Variants in PGM1 observed in about 807,000 individuals in gnomAD.
PGM1 encodes phosphoglucomutase 1.
A neutral mutation model predicts 55.6 loss-of-function variants in PGM1; 52 were observed. The observed-to-expected ratio is 0.94, with a 90% CI of 0.75 to 1.18. The LOEUF (loss-of-function observed/expected upper bound fraction) is 1.18, where lower values mean the gene tolerates loss of function less well. PGM1 is among the 50% of genes most tolerant of loss of function. The pLI, the probability that PGM1 is intolerant of heterozygous loss-of-function variation, is 0.00. For missense variants in PGM1, 724 were observed against 729.3 expected, an observed-to-expected ratio of 0.99 and a Z score of 0.08; for synonymous variants, 287 against 271.7, an observed-to-expected ratio of 1.06 and a Z score of -0.55.
chr1:63,655,435 A>G (rs72681123), intron 10 of PGM1, among the ~76,000 whole-genome samples: 349 of 152,288 alleles, frequency 2.3e-3, no homozygotes, highest in Non-Finnish European at 3.6e-3. Context: ...ATGTGTCTTC[A>G]CAGAACAGTC....
intron 7 of PGM1, among the ~76,000 whole-genome samples, chr1:63,647,041 G>A (rs1649662600): frequency 6.6e-6 from 1 of 151,560 alleles, no homozygotes; most frequent in African/African-American, 2.4e-5. Flanking sequence ...TCAGGAGTTC[G>A]AGACCAGCCT....
intron 1 of PGM1, chr1:63,623,658 C>T: frequency 1.9e-6 from 3 of 1,612,180 alleles, no homozygotes; most frequent in Non-Finnish European, 2.5e-6. Flanking sequence ...TTTCCATAGA[C>T]CTAAAAGATC....
intron 1 of PGM1, among the ~76,000 whole-genome samples, chr1:63,611,162 G>A (rs1015202082): frequency 1.3e-5 from 2 of 152,156 alleles, no homozygotes; most frequent in African/African-American, 4.8e-5. Flanking sequence ...GAAGTGCCTC[G>A]TTAGGGTGTA....
intron 8 of PGM1, among the ~76,000 whole-genome samples, chr1:63,650,676 G>A (rs1335982406): frequency 3.9e-5 from 6 of 152,190 alleles, no homozygotes; most frequent in South Asian, 4.1e-4. Context: ...TCAAGAGGGT[G>A]TATGCCACTA....
At chr1:63,657,063 T>C (rs1341989006) in intron 10 of PGM1, among the ~76,000 whole-genome samples, 1 of 152,242 alleles carries the variant, frequency 6.6e-6, no homozygotes, top group Non-Finnish European at 1.5e-5. Context: ...ACTATGTATT[T>C]GTATATCAAG....
At chr1:63,636,188 A>G in intron 5 of PGM1, 46 bp from the exon 6 acceptor site, 1 of 1,573,806 alleles carries the variant, frequency 6.4e-7, no homozygotes, top group Non-Finnish European at 8.7e-7. Context: ...TTGATTTCTT[A>G]TAGTTTGATT....
chr1:63,650,812 A>G (rs1156232001), intron 8 of PGM1, among the ~76,000 whole-genome samples: 2 of 152,080 alleles, frequency 1.3e-5, no homozygotes, highest in East Asian at 3.9e-4. Flanking sequence ...GCCCTTTTTC[A>G]TCCGCACTGG....
At chr1:63,622,009 G>A (rs1177830495) in intron 1 of PGM1, among the ~76,000 whole-genome samples, 2 of 152,116 alleles carry the variant, frequency 1.3e-5, no homozygotes, top group East Asian at 1.9e-4. Context: ...TTGCTCAAGG[G>A]ATGATTCACT....
chr1:63,641,347 G>A (rs1649510726), intron 7 of PGM1, among the ~76,000 whole-genome samples: 1 of 152,138 alleles, frequency 6.6e-6, no homozygotes, highest in Non-Finnish European at 1.5e-5. Flanking sequence ...CATTTAAACA[G>A]CCAGGCTGCA....
intron 1 of PGM1, among the ~76,000 whole-genome samples, chr1:63,615,147 C>T (rs965611734): frequency 2.0e-4 from 31 of 152,156 alleles, no homozygotes; most frequent in Admixed American, 1.1e-3. Context: ...ACAGATAAAC[C>T]CATTGCATCT....
intron 6 of PGM1, among the ~76,000 whole-genome samples, chr1:63,637,651 G>C (rs548211723): frequency 9.9e-5 from 15 of 152,146 alleles, no homozygotes; most frequent in Non-Finnish European, 1.9e-4. Flanking sequence ...AGCCCAGCAC[G>C]TCTACCATCA....
intron 1 of PGM1, among the ~76,000 whole-genome samples, chr1:63,618,939 C>T (rs1648814589): frequency 1.3e-5 from 2 of 152,292 alleles, no homozygotes; most frequent in Non-Finnish European, 2.9e-5. Flanking sequence ...AGATCCACAA[C>T]TCTTAGAGAT....
intron 1 of PGM1, among the ~76,000 whole-genome samples, chr1:63,618,337 C>G (rs1412557116): frequency 6.6e-6 from 1 of 152,130 alleles, no homozygotes; most frequent in Non-Finnish European, 1.5e-5. Flanking sequence ...TGGAATGTTC[C>G]ACTAATGTTT....
chr1:63,595,557 C>G (rs1323676184), intron 1 of PGM1, among the ~76,000 whole-genome samples: 1 of 152,168 alleles, frequency 6.6e-6, no homozygotes, highest in Non-Finnish European at 1.5e-5. Context: ...TTCAGACAAG[C>G]GCAAATTCCC....
intron 1 of PGM1, chr1:63,623,344 C>T: frequency 6.6e-7 from 1 of 1,511,008 alleles, no homozygotes; most frequent in Non-Finnish European, 8.8e-7. Context: ...TCCATGCAAA[C>T]CCTCTATTTT....
At chr1:63,606,359 G>C (rs1335263630) in intron 1 of PGM1, among the ~76,000 whole-genome samples, 2 of 152,224 alleles carry the variant, frequency 1.3e-5, no homozygotes, top group Non-Finnish European at 2.9e-5. Flanking sequence ...CTTAAAAGTT[G>C]ATAGTAATGG....
At chr1:63,610,175 G>A (rs1467575370) in intron 1 of PGM1, among the ~76,000 whole-genome samples, 1 of 152,186 alleles carries the variant, frequency 6.6e-6, no homozygotes, top group African/African-American at 2.4e-5. Context: ...AGGATAGAAT[G>A]AAATAATGTA....
At chr1:63,653,692 G>A (rs1649881633) in intron 9 of PGM1, among the ~76,000 whole-genome samples, 1 of 152,132 alleles carries the variant, frequency 6.6e-6, no homozygotes, top group Admixed American at 6.5e-5. Context: ...AGATACCGCT[G>A]GGGAGGAAAA....
chr1:63,608,012 A>C (rs1005875705), intron 1 of PGM1, among the ~76,000 whole-genome samples: 23 of 152,248 alleles, frequency 1.5e-4, no homozygotes, highest in Non-Finnish European at 1.0e-4. Flanking sequence ...CTTTCAAAGA[A>C]AGTGCCGCAG....
Sources: gnomAD v4.1 joint callset for allele counts (sites outside exome capture counted in the v4.1 genomes callset) on GRCh38, gnomAD v4.1.1 for gene constraint, MANE v1.5 for transcripts, NCBI Gene and HGNC (gene_info 2026-07-23, HGNC 2026-07-21) for gene names.